IQGAP2: variants seen among roughly 807,000 people sequenced by gnomAD.
The protein encoded by IQGAP2 is IQ motif containing GTPase activating protein 2.
In IQGAP2, 173 loss-of-function variants were observed where a neutral mutation model predicts 201.3. The observed-to-expected ratio is 0.86, with a 90% CI of 0.76 to 0.98. IQGAP2 has a LOEUF of 0.98. IQGAP2 is among the 50% of genes least tolerant of loss of function. IQGAP2 has a pLI of 0.00. For synonymous variants in IQGAP2, 675 were observed against 673.9 expected (o/e 1.00, Z -0.03); for missense variants, 1,687 against 1,864.8 (o/e 0.90, Z 1.76).
chr5:76,587,651 A>C (rs1181121121), intron 5 of IQGAP2, among the ~76,000 whole-genome samples: 1 of 152,152 alleles, frequency 6.6e-6, no homozygotes, highest in African/African-American at 2.4e-5. Flanking sequence ...ATTGCTCTTC[A>C]TAAAAATTAC....
Position 76,588,914 on chromosome 5 carries a change from T to A in IQGAP2, c.467T>A (p.Leu156Gln), listed in dbSNP as rs1015904819. ...IYCIHALSLYLFKLGIAPQIQ... is the reference protein window; with the variant it reads ...IYCIHALSLYQFKLGIAPQIQ... The stretch of plus-strand genomic sequence containing the variant: ...GTGTTTTTTTCTTTCAGTTTGTATC[T>A]GTTCAAACTAGGAATAGCACCCCAG... The change falls in exon 6 of 36, where the codon CTG (leucine) becomes CAG (glutamine). Residue 156 changes from leucine to glutamine, a missense_variant. By Grantham distance (113) the Leu-to-Gln change is moderately radical (BLOSUM62 -2). Transcript: ENST00000274364. 1.2e-6 allele frequency: 2 copies of A among 1,600,014 alleles called. No individual in the cohort carries two copies. The highest frequency in any genetic ancestry group is 1.7e-5 in the Admixed American group (1 of 59,694).
intron 13 of IQGAP2, among the ~76,000 whole-genome samples, chr5:76,621,942 G>A (rs1172729378): frequency 6.6e-6 from 1 of 152,128 alleles, no homozygotes; most frequent in Non-Finnish European, 1.5e-5. Flanking sequence ...TGGATTCATA[G>A]TTTCTGTTTC....
intron 2 of IQGAP2, among the ~76,000 whole-genome samples, chr5:76,490,123 C>G (rs973431504): frequency 6.6e-6 from 1 of 152,182 alleles, no homozygotes; most frequent in Non-Finnish European, 1.5e-5. Context: ...TTGCCTTATA[C>G]CCGTTTTCAT....
chr5:76,696,880 A>T (rs1280627201), intron 32 of IQGAP2, among the ~76,000 whole-genome samples: 1 of 151,976 alleles, frequency 6.6e-6, no homozygotes, highest in Non-Finnish European at 1.5e-5. Context: ...CTATTTAATG[A>T]AGAATATTCT....
At chr5:76,441,455 A>G in intron 1 of IQGAP2, 1 of 980,102 alleles carries the variant, frequency 1.0e-6, no homozygotes, top group East Asian at 1.1e-4. Flanking sequence ...GTCACGGGAT[A>G]TGAGAAAAAG....
chr5:76,673,586 T>G lies in IQGAP2; in HGVS notation c.3206T>G (p.Leu1069Arg), dbSNP rs753242149. 6.2e-7 allele frequency: 1 copy of G among 1,613,208 alleles called. No individual in the cohort carries two copies. The highest frequency in any genetic ancestry group is 8.5e-7 in the Non-Finnish European group (1 of 1,179,646). Residue 1069 changes from leucine (L) to arginine (R), a missense_variant, in exon 25 of 36, where the codon CTG becomes CGG. Transcript: ENST00000274364. ...LNSIISSLDLLPYGLRYIAKV... is the reference protein window; with the variant it reads ...LNSIISSLDLRPYGLRYIAKV... ...TCTATCATTTCTTCCCTTGATCTAC[T>G]GCCGTAAGTTGTACTTGCAGCAAGT...
intron 2 of IQGAP2, among the ~76,000 whole-genome samples, chr5:76,536,761 C>CA (rs752757446): frequency 0.047 from 5,357 of 114,886 alleles, 125 homozygotes; most frequent in Non-Finnish European, 0.069. Context: ...ACTCCGTCTC[C>CA]AAAAAAAAAA....
intron 1 of IQGAP2, among the ~76,000 whole-genome samples, chr5:76,431,629 C>T (rs1318400588): frequency 6.6e-6 from 1 of 152,056 alleles, no homozygotes; most frequent in African/African-American, 2.4e-5. Flanking sequence ...TTGAGACCAT[C>T]CTGGCCAACA....
At chr5:76,507,653 G>A (rs1464942856) in intron 2 of IQGAP2, among the ~76,000 whole-genome samples, 1 of 152,176 alleles carries the variant, frequency 6.6e-6, no homozygotes, top group Non-Finnish European at 1.5e-5. Flanking sequence ...TCTGATAAAA[G>A]ACTGTTTTTC....
chr5:76,473,944 C>T (rs920214404), intron 2 of IQGAP2, among the ~76,000 whole-genome samples: 1 of 152,170 alleles, frequency 6.6e-6, no homozygotes, highest in African/African-American at 2.4e-5. Flanking sequence ...TTATTCAAGG[C>T]ATAGAGTGAC....
At chr5:76,406,939 G>T (rs1320432503) in intron 1 of IQGAP2, among the ~76,000 whole-genome samples, 1 of 152,110 alleles carries the variant, frequency 6.6e-6, no homozygotes, top group Non-Finnish European at 1.5e-5. Context: ...CATGTTGTGG[G>T]GGCGGGGAAG....
intron 30 of IQGAP2, among the ~76,000 whole-genome samples, chr5:76,685,651 G>A (rs1745666353): frequency 6.6e-6 from 1 of 152,044 alleles, no homozygotes; most frequent in Admixed American, 6.6e-5. Flanking sequence ...TGTCCTGTTT[G>A]CCTTACCCAT....
chr5:76,547,342 G>A, intron 2 of IQGAP2: 2 of 525,862 alleles, frequency 3.8e-6, no homozygotes, highest in South Asian at 1.6e-4. Context: ...TGGCTTTATG[G>A]CATTCTCTTG....
intron 32 of IQGAP2, among the ~76,000 whole-genome samples, chr5:76,696,560 G>A (rs1228525653): frequency 6.7e-6 from 1 of 150,272 alleles, no homozygotes; most frequent in Non-Finnish European, 1.5e-5. Flanking sequence ...TGGATCTAGA[G>A]GTTAAAGGCA....
intron 12 of IQGAP2, among the ~76,000 whole-genome samples, chr5:76,608,522 AG>A (rs1747989141): frequency 6.6e-6 from 1 of 152,186 alleles, no homozygotes; most frequent in African/African-American, 2.4e-5. Flanking sequence ...AAGTCATCTG[AG>A]GAGCTGAGAA....
Position 76,640,930 on chromosome 5 carries a change from C to T in IQGAP2, c.1924-3C>T. On this transcript the variant is annotated splice_polypyrimidine_tract_variant and splice_region_variant and intron_variant, in intron 16 of 35. Transcript: ENST00000274364. ...TGTAACCATAAGAAATATCTCTTGC[C>T]AGGACATTATTGAGGAAGTCACAGT... 1 of 1,573,336 alleles carries T rather than the reference C, an allele frequency of 6.4e-7. No homozygotes were observed. Among genetic ancestry groups the T allele is most frequent in the Non-Finnish European group, 8.7e-7 (1 of 1,149,910 alleles).
chr5:76,489,456 T>G (rs1756391547), intron 2 of IQGAP2, among the ~76,000 whole-genome samples: 1 of 152,012 alleles, frequency 6.6e-6, no homozygotes. Context: ...CTTTTTTGTT[T>G]TTGTTGTTTG....
In IQGAP2 at chr5:76,658,484, A is replaced by G; in HGVS notation, c.2346A>G (p.Thr782=). 2 of 1,613,954 alleles carry G rather than the reference A, an allele frequency of 1.2e-6. No individual in the cohort carries two copies. The highest frequency in any genetic ancestry group is 1.7e-6 in the Non-Finnish European group (2 of 1,179,934). ...TLVGSENPPL[T]VIRKFVYLLD... ...TTGGCTCTGAAAACCCACCATTAAC[A>G]GTAATTCGCAAATTTGTATACCTGC... Residue 782 remains threonine (T), a synonymous_variant, in exon 21 of 36, where the codon ACA becomes ACG. Coordinates refer to ENST00000274364, the MANE Select transcript of IQGAP2 (RefSeq NM_006633.5).
chr5:76,430,425 T>C (rs1228525239), intron 1 of IQGAP2, among the ~76,000 whole-genome samples: 1 of 152,170 alleles, frequency 6.6e-6, no homozygotes, highest in Non-Finnish European at 1.5e-5. Context: ...CATCTGCGAG[T>C]TGACCCTTCA....
Sources: gnomAD v4.1 joint callset for allele counts (sites outside exome capture counted in the v4.1 genomes callset) on GRCh38, gnomAD v4.1.1 for gene constraint, MANE v1.5 for transcripts, NCBI Gene and HGNC (gene_info 2026-07-23, HGNC 2026-07-21) for gene names.